The following ING3 variants were observed in gnomAD, a reference collection of about 807,000 sequenced individuals.
ING3 encodes the protein inhibitor of growth protein 3.
ING3 carries 6 observed loss-of-function variants against 64.8 expected under a neutral mutation model. The ratio of observed to expected loss-of-function variants is 0.09; its 90% CI spans 0.05 to 0.18. The LOEUF is 0.18. ING3 is among the 10% of genes least tolerant of loss of function. The pLI is 1.00. For synonymous variants in ING3, 170 were observed against 173.7 expected, an observed-to-expected ratio of 0.98 and a Z score of 0.17; for missense variants, 310 against 489.7, an observed-to-expected ratio of 0.63 and a Z score of 3.46.
intron 5 of ING3, among the ~76,000 whole-genome samples, chr7:120,966,314 T>C (rs1223903314): frequency 1.3e-5 from 2 of 152,180 alleles, no homozygotes; most frequent in Non-Finnish European, 2.9e-5. Flanking sequence ...GAGATTACAA[T>C]GTCCATTCAT....
rs879207804 is a variant in ING3, at chr7:120,951,002, G to A, written c.28+78G>A. ...AGCGCGAGTGGACGGGCAGCGAGATGGCGGGAGGGAGGGGGCGGCGGGGGA... is the reference window on the plus strand; with the variant it reads ...AGCGCGAGTGGACGGGCAGCGAGATAGCGGGAGGGAGGGGGCGGCGGGGGA... On this transcript the variant is annotated intron_variant, in intron 1 of 11. Coordinates refer to ENST00000315870, the MANE Select transcript of ING3 (RefSeq NM_019071.3). The A allele has an allele frequency of 3.2e-6, 5 of 1,551,654 alleles. No homozygotes were observed. In the South Asian group the frequency reaches 3.3e-5, roughly 10 times the overall value.
chr7:120,968,397 T>C (rs17533951), intron 8 of ING3, among the ~76,000 whole-genome samples: 10,596 of 152,286 alleles, frequency 0.07, 519 homozygotes, highest in Middle Eastern at 0.11. Flanking sequence ...TTCTTCGTTC[T>C]TTCTGCCAGT....
intron 3 of ING3, among the ~76,000 whole-genome samples, chr7:120,953,836 T>G (rs1010834411): frequency 1.3e-5 from 2 of 152,184 alleles, no homozygotes; most frequent in Non-Finnish European, 2.9e-5. Context: ...TAAGAAAGCC[T>G]TCTAGTTTAA....
Position 120,967,633 on chromosome 7 carries a change from A to G in ING3, c.541A>G (p.Lys181Glu). Reference sequence around the variant, plus strand: ...ATCCACCCTTACGTCAGATGCCTCTAAGGAAAATACACTAGGTAAGTTAAT... The same window carrying G: ...ATCCACCCTTACGTCAGATGCCTCTGAGGAAAATACACTAGGTAAGTTAAT... Reference protein sequence around the residue: ...LLSTLTSDASKENTLGCRNNN... With the variant: ...LLSTLTSDASEENTLGCRNNN... Residue 181 changes from lysine (K) to glutamate (E), a missense_variant, in exon 7 of 12, where the codon AAG becomes GAG. Physicochemically the swap from Lys to Glu is moderately conservative, Grantham distance 56 (BLOSUM62 1). This residue lies in a region of ING3 where 233 missense variants were observed against 289.4 expected (regional missense o/e 0.81). Transcript: ENST00000315870. 6.3e-7 allele frequency: 1 copy of G among 1,594,748 alleles called. No homozygotes were observed. Among genetic ancestry groups the G allele is most frequent in the Non-Finnish European group, 8.5e-7 (1 of 1,173,742 alleles).
At chr7:120,966,319 A>C (rs1354239165) in intron 5 of ING3, among the ~76,000 whole-genome samples, 5 of 152,216 alleles carry the variant, frequency 3.3e-5, no homozygotes, top group Non-Finnish European at 7.3e-5. Context: ...TACAATGTCC[A>C]TTCATCCATT....
chr7:120,963,901 A>G (rs981631514), intron 4 of ING3, among the ~76,000 whole-genome samples: 1 of 152,164 alleles, frequency 6.6e-6, no homozygotes, highest in Non-Finnish European at 1.5e-5. Flanking sequence ...TTAGAAAAGG[A>G]TGTTATCAAT....
At position 120,969,284 on chromosome 7, in the gene ING3, T is replaced by TTAAAGGCAGGA. The variant is rs569713487; in HGVS notation, c.908+83_908+93dup. The TTAAAGGCAGGA allele has an allele frequency of 1.6e-3, 1,721 of 1,104,996 alleles. 3 individuals are homozygous for TTAAAGGCAGGA. Among genetic ancestry groups the TTAAAGGCAGGA allele is most frequent in the Non-Finnish European group, 2.0e-3 (1,575 of 769,868 alleles). The allele number at this position is 1,104,996 out of a possible 1,614,324, so 68.4% of individuals were successfully genotyped here. A position where few individuals can be genotyped will look rare whatever the true frequency, so the allele number is the denominator to read the frequency against. Reference sequence around the variant, plus strand: ...GACACTTCAGCCAGGCCTCTCTATGTTAAAGGCAGGATATAACGGATTAAA... The same window carrying TTAAAGGCAGGA: ...GACACTTCAGCCAGGCCTCTCTATGTTAAAGGCAGGATAAAGGCAGGATATAACGGATTAAA... On this transcript the variant is annotated intron_variant, in intron 9 of 11. Coordinates refer to ENST00000315870, the MANE Select transcript of ING3 (RefSeq NM_019071.3).
intron 3 of ING3, among the ~76,000 whole-genome samples, chr7:120,953,743 C>T (rs1257818216): frequency 6.6e-6 from 1 of 151,978 alleles, no homozygotes; most frequent in African/African-American, 2.4e-5. Flanking sequence ...CATGAGCAGA[C>T]CTTGAAGAAT....
At chr7:120,965,040 T>C (rs1395551302) in intron 5 of ING3, among the ~76,000 whole-genome samples, 1 of 152,090 alleles carries the variant, frequency 6.6e-6, no homozygotes, top group African/African-American at 2.4e-5. Context: ...CCACTCACTC[T>C]TTATGAAACA....
intron 6 of ING3, 51 bp downstream of exon 6, chr7:120,966,748 A>G (rs755894561): frequency 1.6e-5 from 20 of 1,213,000 alleles, no homozygotes; most frequent in Non-Finnish European, 2.2e-5. Context: ...AAACCTTATT[A>G]TATCACCTAT....
At chr7:120,951,038 T>C in intron 1 of ING3, 114 bp downstream of exon 1, 5 of 1,513,240 alleles carry the variant, frequency 3.3e-6, no homozygotes, top group Non-Finnish European at 4.6e-6. Flanking sequence ...TGTTTCTTTC[T>C]CACGGTAACT....
chr7:120,974,152 T>C (rs953725659), intron 11 of ING3, among the ~76,000 whole-genome samples: 8 of 152,198 alleles, frequency 5.3e-5, no homozygotes, highest in African/African-American at 1.9e-4. Flanking sequence ...AGTACCAGCA[T>C]CATGCTTCTC....
intron 4 of ING3, among the ~76,000 whole-genome samples, chr7:120,957,757 G>A (rs1470682651): frequency 1.3e-5 from 2 of 152,152 alleles, no homozygotes; most frequent in Non-Finnish European, 2.9e-5. Flanking sequence ...TAAAGGCGAG[G>A]TAGTAAATTT....
In ING3 at chr7:120,964,384, A is replaced by G. The variant is rs1359815396; in HGVS notation, c.268-358A>G. ...AGGAGATTAGGCTCTAAGTAATCAC[A>G]GGGCATATTATGAAAAGTGACCAGC... On this transcript the variant is annotated intron_variant, in intron 4 of 11. Coordinates refer to ENST00000315870, the MANE Select transcript of ING3 (RefSeq NM_019071.3). Among the ~76,000 whole-genome samples, 8 of 152,280 alleles carry G rather than the reference A, an allele frequency of 5.3e-5. No homozygotes were observed. In the East Asian group the frequency reaches 1.5e-3, roughly 29 times the overall value.
chr7:120,966,754 C>T, intron 6 of ING3, 57 bp downstream of exon 6: 3 of 1,188,412 alleles, frequency 2.5e-6, no homozygotes, highest in East Asian at 2.3e-5. Context: ...TATTATATCA[C>T]CTATATGTTC....
chr7:120,972,955 G>A (rs1029959537), intron 10 of ING3, among the ~76,000 whole-genome samples: 1 of 152,040 alleles, frequency 6.6e-6, no homozygotes, highest in South Asian at 2.1e-4. Flanking sequence ...TCCTTCATCC[G>A]GGTGATTTAT....
Position 120,950,927 on chromosome 7 carries a change from G to A in ING3, c.28+3G>A. On this transcript the variant is annotated splice_donor_region_variant and intron_variant, in intron 1 of 11. Transcript: ENST00000315870. ...GTACCTAGAAGACTATCTGGAAAGT[G>A]AGTGCGCGGCGCTGGCGGCGGCCGC... 1 of 1,613,428 alleles carries A rather than the reference G, an allele frequency of 6.2e-7. No individual in the cohort carries two copies. Among genetic ancestry groups the A allele is most frequent in the South Asian group, 1.1e-5 (1 of 91,058 alleles).
Position 120,974,905 on chromosome 7 carries a change from A to C in ING3, c.*61A>C. 8.6e-7 allele frequency: 1 copy of C among 1,160,978 alleles called. No individual in the cohort carries two copies. Among genetic ancestry groups the C allele is most frequent in the Non-Finnish European group, 1.2e-6 (1 of 801,068 alleles). The allele number at this position is 1,160,978 out of a possible 1,614,324, so 71.9% of individuals were successfully genotyped here. ...AGCTGAAGATTTTATATAGGACTTT[A>C]AAAAGAAGAGAAGAGAAAGAAGAAA... On this transcript the variant is annotated 3_prime_UTR_variant, in exon 12 of 12. Coordinates refer to ENST00000315870, the MANE Select transcript of ING3 (RefSeq NM_019071.3).
chr7:120,967,997 C>A lies in ING3; in HGVS notation c.620C>A (p.Pro207His), dbSNP rs1285412842. 6.2e-7 allele frequency: 1 copy of A among 1,614,028 alleles called. No individual in the cohort carries two copies. Among genetic ancestry groups the A allele is most frequent in the South Asian group, 1.1e-5 (1 of 91,068 alleles). The change falls in exon 8 of 12, where the codon CCT becomes CAT. Residue 207 changes from proline to histidine, a missense_variant. Pro to His is a moderately conservative substitution (Grantham distance 77). Around this residue, in one of 3 missense-constraint regions of ING3, gnomAD observed 233 missense variants for 289.4 expected, o/e 0.81. Coordinates refer to ENST00000315870, the MANE Select transcript of ING3 (RefSeq NM_019071.3). ...NNAYNVNSSQ[P>H]LGSYNIGSLS... ...GCCTACAATGTGAATTCCTCCCAACCTCTGGGATCCTATAACATTGGCTCG... is the reference window on the plus strand; with the variant it reads ...GCCTACAATGTGAATTCCTCCCAACATCTGGGATCCTATAACATTGGCTCG...
Sources: allele counts gnomAD v4.1 joint callset (sites outside exome capture counted in the v4.1 genomes callset), GRCh38; gene constraint gnomAD v4.1.1; regional missense constraint gnomAD v4.1.1; transcripts MANE v1.5; gene names NCBI Gene and HGNC (gene_info 2026-07-23, HGNC 2026-07-21).